PTPN7: variants seen among roughly 807,000 people sequenced by gnomAD.
PTPN7 encodes tyrosine-protein phosphatase non-receptor type 7.
In PTPN7, 33 loss-of-function variants were observed where a neutral mutation model predicts 50.3. That is an observed-to-expected ratio of 0.66 (90% CI 0.50 to 0.88). PTPN7 has a LOEUF of 0.88. Among genes scored for constraint, PTPN7 ranks in the 40% least tolerant of loss-of-function variants. The probability of loss-of-function intolerance (pLI) is 0.00; values close to 1 mark genes in which losing one functional copy is unlikely to be tolerated. For missense variants in PTPN7, 412 were observed against 475.4 expected (o/e 0.87, Z 1.24); for synonymous variants, 185 against 186.6 (o/e 0.99, Z 0.07).
upstream of PTPN7, chr1:202,160,723 G>T (rs1370154656): frequency 6.4e-7 from 1 of 1,550,450 alleles, no homozygotes; most frequent in South Asian, 1.2e-5. The surrounding 1 kb of genome is among the most constrained non-coding windows in gnomAD (Gnocchi z 4.8). Context: ...TGCCACCAGG[G>T]GTCGGCTGCC....
In PTPN7 at chr1:202,157,772, C is replaced by A; in HGVS notation, c.358G>T (p.Ala120Ser). The change falls in exon 4 of 10, where the codon GCC becomes TCC. Residue 120 changes from alanine to serine, a missense_variant. Transcript: ENST00000691036. ...SPEDLDIPGHASKDRYKTILP... is the reference protein window; with the variant it reads ...SPEDLDIPGHSSKDRYKTILP... ...ATGGTCTTGTATCGGTCCTTGGAGG[C>A]GTGGCCAGGGATGTCCAGGTCTTCG... 6.2e-7 allele frequency: 1 copy of A among 1,614,086 alleles called. No homozygotes were observed. The highest frequency in any genetic ancestry group is 8.5e-7 in the Non-Finnish European group (1 of 1,179,976).
chr1:202,154,167 C>T lies in PTPN7; in HGVS notation c.606+19G>A. 6.2e-7 allele frequency: 1 copy of T among 1,613,736 alleles called. No individual in the cohort carries two copies. Among genetic ancestry groups the T allele is most frequent in the Non-Finnish European group, 8.5e-7 (1 of 1,180,006 alleles). On this transcript the variant is annotated intron_variant, in intron 6 of 9. Transcript: ENST00000691036. ...TAGCACTTTCTGGGTTCATCATGAA[C>T]TGTGGCTCTGCCTCCTACCTCCTTG...
upstream of PTPN7, chr1:202,160,782 G>A: frequency 6.5e-7 from 1 of 1,550,198 alleles, no homozygotes. This position sits in a 1 kb window ranked among gnomAD's most constrained non-coding sequence, Gnocchi z 4.8. Flanking sequence ...CTGGGAATGG[G>A]TGAGGGGCCA....
At chr1:202,160,734 T>TCC (rs750988282), upstream of PTPN7, 1 of 1,550,336 alleles carries the variant, frequency 6.5e-7, no homozygotes, top group African/African-American at 1.4e-5. This position sits in a 1 kb window ranked among gnomAD's most constrained non-coding sequence, Gnocchi z 4.8. Context: ...GTCGGCTGCC[T>TCC]CCCGCCTGTG....
rs1218296975 is a variant in PTPN7 at position 202,160,499 on chromosome 1, AC to A, written c.-53+45del. Reference sequence around the variant, plus strand: ...GCCCTCTTATATCCCCGGAGTTCGCACCCCCCGGGGCCACAGGACTCCCAGT... The same window carrying A: ...GCCCTCTTATATCCCCGGAGTTCGCACCCCCGGGGCCACAGGACTCCCAGT... On this transcript the variant is annotated intron_variant, in intron 1 of 9. Transcript: ENST00000691036. This position sits in a 1 kb window ranked among gnomAD's most constrained non-coding sequence, Gnocchi z 4.8. 4 of 1,507,928 alleles carry A rather than the reference AC, an allele frequency of 2.7e-6. No homozygotes were observed. Among genetic ancestry groups the A allele is most frequent in the South Asian group, 1.2e-5 (1 of 80,760 alleles). The allele number at this position is 1,507,928 out of a possible 1,614,324, so 93.4% of individuals were successfully genotyped here.
chr1:202,161,464 G>T, upstream of PTPN7: 1 of 1,289,826 alleles, frequency 7.8e-7, no homozygotes, highest in Non-Finnish European at 1.0e-6. Flanking sequence ...GGATGCCTGG[G>T]ACCTGAAGGG....
intron 5 of PTPN7, among the ~76,000 whole-genome samples, chr1:202,154,975 G>A (rs750363663): frequency 3.4e-4 from 51 of 152,122 alleles, no homozygotes; most frequent in Non-Finnish European, 2.8e-4. Flanking sequence ...GCCTCCCTGC[G>A]CCCCTGACTG....
chr1:202,160,929 C>T, upstream of PTPN7: 1 of 1,434,974 alleles, frequency 7.0e-7, no homozygotes, highest in Non-Finnish European at 9.1e-7. The surrounding 1 kb of genome is among the most constrained non-coding windows in gnomAD (Gnocchi z 4.8). Context: ...TCTGTGCTGT[C>T]CCACAAAGAA....
At chr1:202,148,800 C>T in intron 9 of PTPN7, 101 bp from the exon 10 acceptor site, 3 of 736,884 alleles carry the variant, frequency 4.1e-6, no homozygotes, top group South Asian at 2.2e-5. Context: ...AAAGTCCTGA[C>T]TTTCTCAAAG....
chr1:202,158,533 G>GT (rs200053967), intron 2 of PTPN7: 77,218 of 359,726 alleles, frequency 0.21, 4 homozygotes, highest in South Asian at 0.29. Context: ...GCTAATTTAA[G>GT]TTTTTTTTTT....
At chr1:202,150,909 C>T (rs1655939419) in intron 8 of PTPN7, among the ~76,000 whole-genome samples, 1 of 152,080 alleles carries the variant, frequency 6.6e-6, no homozygotes, top group Admixed American at 6.5e-5. Flanking sequence ...CTATCGTGCC[C>T]TCTCTTTATT....
rs1051990230 is a variant in PTPN7 at position 202,148,849 on chromosome 1, T to C, written c.990-150A>G. 4 of 304,280 alleles carry C rather than the reference T, an allele frequency of 1.3e-5. No homozygotes were observed. In the South Asian group the frequency reaches 1.8e-4, roughly 14 times the overall value. 18.8% of individuals were successfully genotyped at this position (304,280 alleles called of 1,614,324 possible). A position where few individuals can be genotyped will look rare whatever the true frequency, so the allele number is the denominator to read the frequency against. ...CTTTGCCTATATTCATCTTTTCACT[T>C]TTTTTTTTTTTTTTTTTTTTTTGTG... On this transcript the variant is annotated intron_variant, in intron 9 of 9. Coordinates refer to ENST00000691036, the MANE Select transcript of PTPN7 (RefSeq NM_002832.4).
intron 9 of PTPN7, chr1:202,150,096 G>T: frequency 2.2e-6 from 1 of 453,714 alleles, no homozygotes; most frequent in South Asian, 2.5e-5. Flanking sequence ...GCCTCCCAAA[G>T]TGCTGGGATT....
chr1:202,152,727 A>G (rs772930492), intron 7 of PTPN7, 28 bp from the exon 8 acceptor site: 19 of 1,611,560 alleles, frequency 1.2e-5, no homozygotes, highest in Admixed American at 1.7e-5. Context: ...CATGAGAACC[A>G]AGGTCAGGGT....
At chr1:202,153,019 T>C (rs1257283200) in intron 7 of PTPN7, among the ~76,000 whole-genome samples, 1 of 152,186 alleles carries the variant, frequency 6.6e-6, no homozygotes, top group Non-Finnish European at 1.5e-5. Context: ...ATCTTACTGG[T>C]TTACTTGCCA....
intron 6 of PTPN7, 25 bp downstream of exon 6, chr1:202,154,160 TC>T: frequency 6.2e-7 from 1 of 1,613,502 alleles, no homozygotes. Context: ...TCTGGGTTCA[TC>T]ATGAACTGTG....
At chr1:202,158,952 G>T in intron 2 of PTPN7, 1 of 327,942 alleles carries the variant, frequency 3.0e-6, no homozygotes, top group Admixed American at 4.1e-5. Flanking sequence ...AGCCAGAACA[G>T]GGCAGCCTTG....
rs572061768 is a variant in PTPN7 at position 202,155,383 on chromosome 1, G to A, written c.468+150C>T. ...GTGTTTTGGGGCATGTTCAGTACCA[G>A]CCCAGCTTGGTAGGGCTATGACAGC... On this transcript the variant is annotated intron_variant, in intron 5 of 9. Coordinates refer to ENST00000691036, the MANE Select transcript of PTPN7 (RefSeq NM_002832.4). The A allele has an allele frequency of 7.8e-5, 60 of 768,284 alleles. No individual in the cohort carries two copies. The East Asian group carries it at 1.6e-3, about 21-fold the overall frequency. The allele number at this position is 768,284 out of a possible 1,614,324, so 47.6% of individuals were successfully genotyped here.
Position 202,160,537 on chromosome 1 carries a change from A to G in PTPN7, c.-53+8T>C. ...ACAGGACTCCCAGTCCCCCCTTCAG[A>G]TACTTACTGAAGCAGCTGTGGCCCC... On this transcript the variant is annotated splice_region_variant and intron_variant, in intron 1 of 9. Transcript: ENST00000691036. This position sits in a 1 kb window ranked among gnomAD's most constrained non-coding sequence, Gnocchi z 4.8. 3.2e-6 allele frequency: 5 copies of G among 1,544,746 alleles called. No homozygotes were observed. The highest frequency in any genetic ancestry group is 4.4e-6 in the Non-Finnish European group (5 of 1,142,576).
Sources: allele counts gnomAD v4.1 joint callset (sites outside exome capture counted in the v4.1 genomes callset), GRCh38; gene constraint gnomAD v4.1.1; non-coding constraint Gnocchi (gnomAD v3.1); transcripts MANE v1.5; gene names NCBI Gene and HGNC (gene_info 2026-07-23, HGNC 2026-07-21).